Variants in KHDRBS3 observed in about 807,000 individuals in gnomAD.
KHDRBS3 encodes the protein KH domain-containing, RNA-binding, signal transduction-associated protein 3.
KHDRBS3 carries 23 observed loss-of-function variants against 45.6 expected under a neutral mutation model. That is an observed-to-expected ratio of 0.50 (90% CI 0.36 to 0.72). The LOEUF (loss-of-function observed/expected upper bound fraction) is 0.72. Among genes scored for constraint, KHDRBS3 ranks in the 30% least tolerant of loss-of-function variants. KHDRBS3 has a pLI of 0.00. For missense variants in KHDRBS3, 352 were observed against 424.8 expected (o/e 0.83, Z 1.51); for synonymous variants, 162 against 156.5 (o/e 1.04, Z -0.26).
At position 135,609,172 on chromosome 8, in the gene KHDRBS3, G is replaced by A. The variant is rs75910666; in HGVS notation, c.890+2135G>A. ...TGTAACTTCTTTACGTTATAAACTT[G>A]TAGTTTTTATTAATTTTTGACTCTT... On this transcript the variant is annotated intron_variant, in intron 7 of 8. Transcript: ENST00000355849. Among the ~76,000 whole-genome samples, 503 of 152,024 alleles carry A rather than the reference G, an allele frequency of 3.3e-3. 14 individuals are homozygous for A. The East Asian group carries it at 0.033, about 10-fold the overall frequency.
intron 2 of KHDRBS3, among the ~76,000 whole-genome samples, chr8:135,529,211 G>A (rs1370379401): frequency 6.6e-6 from 1 of 152,166 alleles, no homozygotes; most frequent in African/African-American, 2.4e-5. Flanking sequence ...CCTACATCTT[G>A]TAGTGGGAAC....
At chr8:135,485,660 C>T (rs190900300) in intron 1 of KHDRBS3, among the ~76,000 whole-genome samples, 39 of 151,746 alleles carry the variant, frequency 2.6e-4, no homozygotes, top group Non-Finnish European at 4.0e-4. Flanking sequence ...ACCAGCTATT[C>T]CTGAGTGATA....
At chr8:135,638,151 G>A (rs570882352) in intron 7 of KHDRBS3, among the ~76,000 whole-genome samples, 5 of 152,314 alleles carry the variant, frequency 3.3e-5, no homozygotes, top group South Asian at 2.1e-4. Context: ...ATAGAAAGAA[G>A]CTCAGGGTGT....
intron 4 of KHDRBS3, among the ~76,000 whole-genome samples, chr8:135,555,128 T>C (rs1315660535): frequency 6.6e-6 from 1 of 152,230 alleles, no homozygotes; most frequent in East Asian, 1.9e-4. Context: ...TCCCATAGAA[T>C]TAGGACTTGC....
At chr8:135,540,844 A>G (rs1826012759) in intron 2 of KHDRBS3, 1 of 152,234 alleles carries the variant, frequency 6.6e-6, no homozygotes, top group Non-Finnish European at 1.5e-5. Flanking sequence ...TCCAGTCAGC[A>G]ATCCGGAATT....
chr8:135,575,273 A>C (rs982733361), intron 5 of KHDRBS3, among the ~76,000 whole-genome samples: 1 of 152,212 alleles, frequency 6.6e-6, no homozygotes, highest in Non-Finnish European at 1.5e-5. Context: ...CCCAGTAGAA[A>C]TATTACGTCC....
chr8:135,616,110 T>A (rs1384620322), intron 7 of KHDRBS3, among the ~76,000 whole-genome samples: 2 of 152,228 alleles, frequency 1.3e-5, no homozygotes, highest in Non-Finnish European at 1.5e-5. Context: ...CAAGTGTGAG[T>A]TACTATGTAT....
At chr8:135,485,284 G>A (rs879606950) in intron 1 of KHDRBS3, among the ~76,000 whole-genome samples, 2 of 152,244 alleles carry the variant, frequency 1.3e-5, no homozygotes, top group Admixed American at 1.3e-4. Context: ...AATATTGAAA[G>A]TGCTCTGGGA....
chr8:135,570,116 T>G (rs2130881472), intron 5 of KHDRBS3, among the ~76,000 whole-genome samples: 1 of 152,314 alleles, frequency 6.6e-6, no homozygotes. Flanking sequence ...ATGCACTTAT[T>G]TTGGCAAAAC....
chr8:135,460,792 C>G (rs146508899), intron 1 of KHDRBS3, among the ~76,000 whole-genome samples: 65 of 152,282 alleles, frequency 4.3e-4, no homozygotes, highest in African/African-American at 1.4e-3. Context: ...AATTAAAGCC[C>G]TCCTGTGACT....
intron 1 of KHDRBS3, among the ~76,000 whole-genome samples, chr8:135,497,924 A>G (rs927600764): frequency 6.6e-6 from 1 of 152,164 alleles, no homozygotes; most frequent in Non-Finnish European, 1.5e-5. Flanking sequence ...TAATTGGGCC[A>G]CTGTTAGAGG....
chr8:135,612,955 T>C (rs779545368), intron 7 of KHDRBS3, among the ~76,000 whole-genome samples: 3 of 151,888 alleles, frequency 2.0e-5, no homozygotes, highest in Non-Finnish European at 4.4e-5. Context: ...TACATGTGGC[T>C]ACTGGAAAGC....
intron 3 of KHDRBS3, among the ~76,000 whole-genome samples, chr8:135,543,966 G>A (rs1239765941): frequency 6.6e-6 from 1 of 152,016 alleles, no homozygotes; most frequent in Non-Finnish European, 1.5e-5. Context: ...TGCATGGCCT[G>A]GTTTTTTTAA....
At chr8:135,484,519 G>T (rs1254715558) in intron 1 of KHDRBS3, among the ~76,000 whole-genome samples, 4 of 152,192 alleles carry the variant, frequency 2.6e-5, no homozygotes, top group Non-Finnish European at 1.5e-5. Flanking sequence ...AGTTTCCAGC[G>T]GTTGCTCACA....
chr8:135,548,430 A>T (rs1468691671), intron 3 of KHDRBS3, among the ~76,000 whole-genome samples: 3 of 152,130 alleles, frequency 2.0e-5, no homozygotes, highest in Non-Finnish European at 4.4e-5. Context: ...GTGGCTGCGG[A>T]GGGTTGAGCA....
intron 1 of KHDRBS3, among the ~76,000 whole-genome samples, chr8:135,482,966 T>C (rs963757614): frequency 6.6e-6 from 1 of 151,446 alleles, no homozygotes; most frequent in Non-Finnish European, 1.5e-5. Flanking sequence ...CATCAGAACA[T>C]CTAGGAAAGA....
At chr8:135,497,298 G>A (rs758991085) in intron 1 of KHDRBS3, among the ~76,000 whole-genome samples, 43 of 152,168 alleles carry the variant, frequency 2.8e-4, no homozygotes, top group Non-Finnish European at 1.5e-4. Context: ...TGGATATGTC[G>A]GAAATGCTCC....
intron 5 of KHDRBS3, 123 bp downstream of exon 5, chr8:135,557,710 G>A: frequency 1.4e-6 from 1 of 735,710 alleles, no homozygotes; most frequent in South Asian, 1.7e-5. Context: ...GGTGGCACAT[G>A]CCTGTAGTCC....
chr8:135,509,414 T>C (rs1047486183), intron 1 of KHDRBS3, among the ~76,000 whole-genome samples: 2 of 152,186 alleles, frequency 1.3e-5, no homozygotes, highest in Non-Finnish European at 2.9e-5. Flanking sequence ...GAGGACTGAA[T>C]GTTTATAAAG....
Sources: allele counts gnomAD v4.1 joint callset (sites outside exome capture counted in the v4.1 genomes callset), GRCh38; gene constraint gnomAD v4.1.1; transcripts MANE v1.5; gene names NCBI Gene and HGNC (gene_info 2026-07-23, HGNC 2026-07-21).